Variants in KLHL29 observed in about 807,000 individuals in gnomAD.
KLHL29 encodes the protein kelch like family member 29.
KLHL29 carries 21 observed loss-of-function variants against 80.4 expected under a neutral mutation model. The ratio of observed to expected loss-of-function variants is 0.26; its 90% CI spans 0.19 to 0.38. KLHL29 has a LOEUF of 0.38. Among genes scored for constraint, KLHL29 ranks in the 10% least tolerant of loss-of-function variants. The pLI, the probability that KLHL29 is intolerant of heterozygous loss-of-function variation, is 1.00. For synonymous variants in KLHL29, 511 were observed against 526.8 expected, an observed-to-expected ratio of 0.97 and a Z score of 0.41; for missense variants, 867 against 1,223.9, an observed-to-expected ratio of 0.71 and a Z score of 4.35.
At chr2:23,527,196 C>T (rs2103474933) in intron 2 of KLHL29, among the ~76,000 whole-genome samples, 1 of 152,328 alleles carries the variant, frequency 6.6e-6, no homozygotes, top group South Asian at 2.1e-4. Context: ...GTGTTTCCTG[C>T]CTCTGCTTCA....
chr2:23,547,055 C>T (rs1666996234), intron 2 of KLHL29, among the ~76,000 whole-genome samples: 2 of 152,168 alleles, frequency 1.3e-5, no homozygotes, highest in South Asian at 2.1e-4. Context: ...CACACACCCT[C>T]GTGGAGCTCC....
chr2:23,602,534 G>T (rs184229953), intron 3 of KLHL29, among the ~76,000 whole-genome samples: 1 of 152,254 alleles, frequency 6.6e-6, no homozygotes, highest in Admixed American at 6.5e-5. Context: ...AGGGGGTCAG[G>T]AAAGCTGTGA....
intron 3 of KLHL29, among the ~76,000 whole-genome samples, chr2:23,595,479 A>T (rs921909020): frequency 6.6e-6 from 1 of 152,224 alleles, no homozygotes; most frequent in African/African-American, 2.4e-5. Context: ...CTCTGTGCCA[A>T]GGCTTGGGAA....
At chr2:23,426,686 C>G (rs982067874) in intron 1 of KLHL29, among the ~76,000 whole-genome samples, 3 of 152,204 alleles carry the variant, frequency 2.0e-5, no homozygotes, top group African/African-American at 7.2e-5. Flanking sequence ...TGTCAACATC[C>G]CATGGAAAGT....
At chr2:23,407,340 TTAGG>T (rs1431207181) in intron 1 of KLHL29, among the ~76,000 whole-genome samples, 9 of 152,118 alleles carry the variant, frequency 5.9e-5, no homozygotes, top group Non-Finnish European at 1.3e-4. Context: ...TCTTAGTCTG[TTAGG>T]TAGGTGAGTA....
chr2:23,698,025 A>G (rs144949600), intron 11 of KLHL29: 14 of 152,360 alleles, frequency 9.2e-5, no homozygotes, highest in Non-Finnish European at 1.8e-4. Context: ...GTTGATAAAT[A>G]TAGGGATTTG....
intron 3 of KLHL29, among the ~76,000 whole-genome samples, chr2:23,636,633 G>A (rs1229954378): frequency 2.0e-5 from 3 of 152,200 alleles, no homozygotes; most frequent in Non-Finnish European, 4.4e-5. Flanking sequence ...CTTGAGGGCA[G>A]GGCTGAGTCT....
chr2:23,539,104 T>TA (rs1218123208), intron 2 of KLHL29, among the ~76,000 whole-genome samples: 1 of 152,182 alleles, frequency 6.6e-6, no homozygotes, highest in African/African-American at 2.4e-5. Flanking sequence ...TGCCAAACTC[T>TA]AAAATTTTAT....
chr2:23,522,535 A>T (rs1666136297), intron 2 of KLHL29, among the ~76,000 whole-genome samples: 1 of 152,014 alleles, frequency 6.6e-6, no homozygotes, highest in South Asian at 2.1e-4. Flanking sequence ...GGCAGATGGA[A>T]GACCTTTTAC....
chr2:23,428,298 C>A (rs1425922910), intron 1 of KLHL29, among the ~76,000 whole-genome samples: 7 of 152,342 alleles, frequency 4.6e-5, no homozygotes, highest in Admixed American at 2.0e-4. Flanking sequence ...TGTCCCCCTG[C>A]ATGTGAGGCT....
intron 2 of KLHL29, among the ~76,000 whole-genome samples, chr2:23,508,525 T>G (rs892653993): frequency 7.2e-5 from 11 of 152,228 alleles, no homozygotes; most frequent in Non-Finnish European, 1.6e-4. Flanking sequence ...TCCATTCTAT[T>G]AGTTACAAGT....
Position 23,596,609 on chromosome 2 carries a change from C to T in KLHL29, c.285+34128C>T, listed in dbSNP as rs999181389. ...GAAGATGAGATTGTGCTGGCGGGAA[C>T]ACATCATGTCTGGGGACGTATGCTG... On this transcript the variant is annotated intron_variant, in intron 3 of 13. Coordinates refer to ENST00000486442, the MANE Select transcript of KLHL29 (RefSeq NM_052920.2). The surrounding 1 kb of genome is among the most constrained non-coding windows in gnomAD (Gnocchi z 4.4). Among the ~76,000 whole-genome samples, 8 of 152,198 alleles carry T rather than the reference C, an allele frequency of 5.3e-5. No homozygotes were observed. The highest frequency in any genetic ancestry group is 1.9e-4 in the African/African-American group (8 of 41,462).
chr2:23,651,825 C>G (rs115868889), intron 5 of KLHL29, among the ~76,000 whole-genome samples: 2,264 of 152,318 alleles, frequency 0.015, 19 homozygotes, highest in Middle Eastern at 0.024. Flanking sequence ...TCACTGTATC[C>G]TCACGTGGCC....
intron 3 of KLHL29, among the ~76,000 whole-genome samples, chr2:23,610,562 T>A (rs979297838): frequency 1.3e-5 from 2 of 152,350 alleles, no homozygotes; most frequent in South Asian, 2.1e-4. Flanking sequence ...ACTGTGGGAC[T>A]TATGTGGCTT....
At chr2:23,473,951 C>T (rs1284187237) in intron 1 of KLHL29, among the ~76,000 whole-genome samples, 1 of 152,160 alleles carries the variant, frequency 6.6e-6, no homozygotes, top group African/African-American at 2.4e-5. Context: ...ACCTACTCCT[C>T]ATCTTGAAGT....
intron 2 of KLHL29, among the ~76,000 whole-genome samples, chr2:23,480,399 G>C (rs762165811): frequency 6.6e-6 from 1 of 152,016 alleles, no homozygotes; most frequent in African/African-American, 2.4e-5. Context: ...AGGCAGGAGA[G>C]TTGCTTGAAA....
chr2:23,701,117 C>T (rs1230891927), intron 11 of KLHL29, among the ~76,000 whole-genome samples: 1 of 152,178 alleles, frequency 6.6e-6, no homozygotes, highest in African/African-American at 2.4e-5. Flanking sequence ...ACCCTCCTCC[C>T]TCAACCTTCC....
chr2:23,626,761 C>G (rs1052189243), intron 3 of KLHL29, among the ~76,000 whole-genome samples: 1 of 152,216 alleles, frequency 6.6e-6, no homozygotes, highest in African/African-American at 2.4e-5. Context: ...TGGGCCCCAG[C>G]GCTGAGGGAG....
At chr2:23,479,452 G>A (rs557616614) in intron 2 of KLHL29, among the ~76,000 whole-genome samples, 18 of 152,126 alleles carry the variant, frequency 1.2e-4, no homozygotes, top group Admixed American at 5.9e-4. Context: ...CATCTTGCTC[G>A]TGTGAGCTGC....
Sources: gnomAD v4.1 joint callset for allele counts (sites outside exome capture counted in the v4.1 genomes callset) on GRCh38, gnomAD v4.1.1 for gene constraint, Gnocchi (gnomAD v3.1) non-coding constraint, MANE v1.5 for transcripts, NCBI Gene and HGNC (gene_info 2026-07-23, HGNC 2026-07-21) for gene names.